SAMD12: variants seen among roughly 807,000 people sequenced by gnomAD.
The protein encoded by SAMD12 is sterile alpha motif domain-containing protein 12.
Under a neutral mutation model 15.0 loss-of-function variants are expected in SAMD12, and 9 were observed. That is an observed-to-expected ratio of 0.60 (90% CI 0.36 to 1.05). The LOEUF (loss-of-function observed/expected upper bound fraction) is 1.05, where lower values mean the gene tolerates loss of function less well. Ranked by LOEUF, SAMD12 falls within the 50% of genes least tolerant of loss-of-function variation. The probability of loss-of-function intolerance (pLI) is 0.01; values close to 1 mark genes in which losing one functional copy is unlikely to be tolerated. For missense variants in SAMD12, 230 were observed against 234.2 expected, an observed-to-expected ratio of 0.98 and a Z score of 0.12; for synonymous variants, 86 against 90.1, an observed-to-expected ratio of 0.96 and a Z score of 0.25.
At chr8:118,416,104 G>A (rs907853469) in intron 3 of SAMD12, among the ~76,000 whole-genome samples, 2 of 152,124 alleles carry the variant, frequency 1.3e-5, no homozygotes, top group Non-Finnish European at 2.9e-5. Flanking sequence ...GATTAGGGAA[G>A]CTGGGTTCCA....
chr8:118,374,666 T>C (rs1306848637), downstream of SAMD12, among the ~76,000 whole-genome samples: 2 of 152,178 alleles, frequency 1.3e-5, no homozygotes, highest in Non-Finnish European at 1.5e-5. Flanking sequence ...CTTTTGGTAG[T>C]GGCCATTCTA....
chr8:118,496,457 A>G (rs1373441665), intron 2 of SAMD12, among the ~76,000 whole-genome samples: 1 of 152,206 alleles, frequency 6.6e-6, no homozygotes, highest in Admixed American at 6.5e-5. Context: ...GTCAACAATA[A>G]CAAGCAATGG....
At chr8:118,356,039 G>A (rs1020906167) in intron 4 of SAMD12, among the ~76,000 whole-genome samples, 11 of 152,132 alleles carry the variant, frequency 7.2e-5, no homozygotes, top group South Asian at 6.2e-4. Flanking sequence ...ATTAATCTCC[G>A]CAAAGAACGT....
intron 3 of SAMD12, among the ~76,000 whole-genome samples, chr8:118,409,940 T>A (rs565016570): frequency 6.6e-6 from 1 of 152,348 alleles, no homozygotes; most frequent in African/African-American, 2.4e-5. Flanking sequence ...ATTTATATGT[T>A]TATTTTATCC....
At chr8:118,184,299 G>T in the SAMD12 span, among the ~76,000 whole-genome samples, 1 of 152,144 alleles carries the variant, frequency 6.6e-6, no homozygotes, top group Non-Finnish European at 1.5e-5. Context: ...CATGTCCAGG[G>T]TCAGAGATGA....
At chr8:118,321,653 G>A (rs1396417729) in intron 4 of SAMD12, among the ~76,000 whole-genome samples, 2 of 151,974 alleles carry the variant, frequency 1.3e-5, no homozygotes, top group African/African-American at 2.4e-5. Context: ...CGTAGATAGT[G>A]GAAGGTTTTG....
At chr8:118,582,570 A>G (rs1224281453) in intron 1 of SAMD12, among the ~76,000 whole-genome samples, 1 of 152,212 alleles carries the variant, frequency 6.6e-6, no homozygotes, top group African/African-American at 2.4e-5. Flanking sequence ...TGGGCACTTA[A>G]CATGTATTAG....
chr8:118,439,189 C>T (rs984327493), intron 3 of SAMD12, among the ~76,000 whole-genome samples: 2 of 152,166 alleles, frequency 1.3e-5, no homozygotes, highest in African/African-American at 4.8e-5. Context: ...TATTTGAATA[C>T]CCTTGATCTA....
chr8:118,571,447 G>C (rs769485793), intron 2 of SAMD12, among the ~76,000 whole-genome samples: 1 of 152,216 alleles, frequency 6.6e-6, no homozygotes, highest in African/African-American at 2.4e-5. Context: ...TAACTAACGA[G>C]GAAGGAAATT....
intron 4 of SAMD12, among the ~76,000 whole-genome samples, chr8:118,218,676 T>C (rs1332646785): frequency 1.3e-5 from 2 of 152,212 alleles, no homozygotes; most frequent in Non-Finnish European, 2.9e-5. Flanking sequence ...TCCAGGTTCA[T>C]CTATGTTATT....
intron 4 of SAMD12, among the ~76,000 whole-genome samples, chr8:118,318,418 A>C (rs1816058740): frequency 6.7e-6 from 1 of 149,150 alleles, no homozygotes; most frequent in African/African-American, 2.5e-5. Context: ...CTTTTGTAGC[A>C]ACTTGGATGG....
At chr8:118,309,634 G>GA (rs1815536889) in intron 4 of SAMD12, among the ~76,000 whole-genome samples, 1 of 151,902 alleles carries the variant, frequency 6.6e-6, no homozygotes, top group Non-Finnish European at 1.5e-5. Flanking sequence ...TCTTTTTTCA[G>GA]ACTTGAATAT....
intron 2 of SAMD12, among the ~76,000 whole-genome samples, chr8:118,568,871 C>T (rs900293416): frequency 1.2e-4 from 19 of 152,140 alleles, no homozygotes; most frequent in African/African-American, 3.1e-4. Flanking sequence ...ATCATAAATA[C>T]GCAATAGAAC....
At chr8:118,284,740 A>C (rs1813854773) in intron 4 of SAMD12, 1 of 168,802 alleles carries the variant, frequency 5.9e-6, no homozygotes, top group Admixed American at 6.0e-5. Context: ...CAGGAGATCG[A>C]GACCATCCTG....
intron 4 of SAMD12, among the ~76,000 whole-genome samples, chr8:118,316,820 T>G (rs1311979349): frequency 6.7e-6 from 1 of 148,998 alleles, no homozygotes; most frequent in Non-Finnish European, 1.5e-5. Flanking sequence ...AAAAAAGTTT[T>G]TTTTTTTTTT....
intron 4 of SAMD12, among the ~76,000 whole-genome samples, chr8:118,288,972 G>A (rs1031731272): frequency 1.3e-5 from 2 of 152,156 alleles, no homozygotes; most frequent in East Asian, 3.8e-4. Flanking sequence ...TGGAATTGAG[G>A]CCAACAAAAT....
At chr8:118,455,243 A>T (rs533087965) in intron 2 of SAMD12, among the ~76,000 whole-genome samples, 124 of 143,280 alleles carry the variant, frequency 8.7e-4, no homozygotes, top group African/African-American at 3.4e-3. Context: ...TCTTCTTGAG[A>T]CACTTTCTTC....
At chr8:118,141,519 G>A in the SAMD12 span, among the ~76,000 whole-genome samples, 310 of 152,318 alleles carry the variant, frequency 2.0e-3, 4 homozygotes, top group African/African-American at 7.1e-3. Context: ...GCTGTCTTGA[G>A]CCAATGCCCC....
exon 5 of SAMD12, chr8:118,195,663 T>C (rs1396047380): frequency 6.6e-6 from 1 of 152,324 alleles, no homozygotes; most frequent in African/African-American, 2.4e-5. Context: ...CTGAATTCAG[T>C]TTTCATTGTG....
Sources: allele counts gnomAD v4.1 joint callset (sites outside exome capture counted in the v4.1 genomes callset), GRCh38; gene constraint gnomAD v4.1.1; transcripts MANE v1.5; gene names NCBI Gene and HGNC (gene_info 2026-07-23, HGNC 2026-07-21).